GPC5: variants seen among roughly 807,000 people sequenced by gnomAD.
GPC5 encodes the protein glypican-5.
Under a neutral mutation model 53.9 loss-of-function variants are expected in GPC5, and 47 were observed. The observed-to-expected ratio is 0.87, with a 90% CI of 0.69 to 1.11. The LOEUF is 1.11. GPC5 is among the 50% of genes most tolerant of loss of function. The probability of loss-of-function intolerance (pLI) is 0.00; values close to 1 mark genes in which losing one functional copy is unlikely to be tolerated. For synonymous variants in GPC5, 286 were observed against 263.3 expected (o/e 1.09, Z -0.84); for missense variants, 748 against 713.1 (o/e 1.05, Z -0.56).
At chr13:92,226,538 A>G (rs989550526) in intron 7 of GPC5, among the ~76,000 whole-genome samples, 1 of 152,186 alleles carries the variant, frequency 6.6e-6, no homozygotes, top group African/African-American at 2.4e-5. Context: ...CAGTTGACCA[A>G]GAAGTAAAAT....
chr13:91,505,249 G>A (rs763139567), intron 2 of GPC5, among the ~76,000 whole-genome samples: 1 of 151,984 alleles, frequency 6.6e-6, no homozygotes, highest in Non-Finnish European at 1.5e-5. Context: ...CTTACACATA[G>A]TTAAAATAGT....
intron 6 of GPC5, among the ~76,000 whole-genome samples, chr13:92,113,369 T>C (rs1336065555): frequency 6.6e-6 from 1 of 152,190 alleles, no homozygotes. Flanking sequence ...GTATAACTGT[T>C]ACAACAAATT....
intron 5 of GPC5, among the ~76,000 whole-genome samples, chr13:91,883,811 G>T (rs1265672799): frequency 6.6e-6 from 1 of 152,088 alleles, no homozygotes; most frequent in East Asian, 1.9e-4. Flanking sequence ...TTTAAGTTCA[G>T]TGGTACGTGT....
intron 7 of GPC5, among the ~76,000 whole-genome samples, chr13:92,327,360 C>A (rs2043259047): frequency 6.6e-6 from 1 of 152,164 alleles, no homozygotes; most frequent in South Asian, 2.1e-4. Context: ...CTGTGTATTA[C>A]ACATGCTTGT....
chr13:91,623,412 G>A (rs1594345344), intron 2 of GPC5, among the ~76,000 whole-genome samples: 2 of 152,164 alleles, frequency 1.3e-5, no homozygotes, highest in South Asian at 4.2e-4. Context: ...CCACCCAGAA[G>A]GGGATGAGGG....
chr13:91,433,644 A>G (rs866003979), intron 1 of GPC5, among the ~76,000 whole-genome samples: 3 of 152,152 alleles, frequency 2.0e-5, no homozygotes, highest in Admixed American at 6.5e-5. Flanking sequence ...TATTGTGAAT[A>G]GTGCCACAAT....
At chr13:91,514,882 C>T (rs1885412027) in intron 2 of GPC5, among the ~76,000 whole-genome samples, 1 of 152,070 alleles carries the variant, frequency 6.6e-6, no homozygotes, top group South Asian at 2.1e-4. Context: ...ATGTATTTCA[C>T]TTTAAGGTCA....
chr13:91,728,526 T>C lies in GPC5; in HGVS notation c.1021-6T>C. On this transcript the variant is annotated splice_region_variant and splice_polypyrimidine_tract_variant and intron_variant, in intron 3 of 7. Coordinates refer to ENST00000377067, the MANE Select transcript of GPC5 (RefSeq NM_004466.6). ...TAACTACCTTTTAATGTTTTCTATT[T>C]AAAAGGTAAATAGGATTTGTGGCCG... is the stretch of plus-strand genomic sequence containing the variant. The C allele has an allele frequency of 2.5e-6, 4 of 1,605,518 alleles. No individual in the cohort carries two copies. Among genetic ancestry groups the C allele is most frequent in the Non-Finnish European group, 8.5e-7 (1 of 1,176,268 alleles).
At chr13:91,977,996 A>T (rs948872913) in intron 6 of GPC5, among the ~76,000 whole-genome samples, 2 of 151,852 alleles carry the variant, frequency 1.3e-5, no homozygotes, top group Non-Finnish European at 2.9e-5. Flanking sequence ...AAGAAAAAAA[A>T]AATTAAATTA....
intron 2 of GPC5, among the ~76,000 whole-genome samples, chr13:91,482,891 A>T (rs1360974104): frequency 2.0e-5 from 3 of 148,638 alleles, no homozygotes; most frequent in Non-Finnish European, 4.5e-5. Flanking sequence ...CATATCCATT[A>T]TTGGCAGCTC....
intron 5 of GPC5, among the ~76,000 whole-genome samples, chr13:91,866,124 T>C (rs1475420239): frequency 2.0e-5 from 3 of 152,170 alleles, no homozygotes; most frequent in Admixed American, 6.5e-5. Flanking sequence ...CACCTCAGCC[T>C]CCCAAAGTGC....
chr13:92,512,270 T>C (rs1880601415), intron 7 of GPC5, among the ~76,000 whole-genome samples: 2 of 152,006 alleles, frequency 1.3e-5, no homozygotes, highest in Non-Finnish European at 2.9e-5. Flanking sequence ...GCGCGTACGC[T>C]GTGTGCATGC....
intron 2 of GPC5, among the ~76,000 whole-genome samples, chr13:91,529,656 T>C (rs1319030381): frequency 6.6e-6 from 1 of 152,222 alleles, no homozygotes; most frequent in Non-Finnish European, 1.5e-5. Flanking sequence ...AGATAGATAA[T>C]ACACCTGAAA....
chr13:91,693,149 C>G lies in GPC5; in HGVS notation c.326-38C>G, dbSNP rs2035792392. 8 of 1,464,768 alleles carry G rather than the reference C, an allele frequency of 5.5e-6. No homozygotes were observed. The East Asian group carries it at 1.1e-4, about 21-fold the overall frequency. 90.7% of individuals were successfully genotyped at this position (1,464,768 alleles called of 1,614,324 possible). A position where few individuals can be genotyped will look rare whatever the true frequency, so the allele number is the denominator to read the frequency against. ...CAGATGGACGGTGTTAGCATGAATACTAAACCTTCTCATGTTTTACCTCTG... is the reference window on the plus strand; with the variant it reads ...CAGATGGACGGTGTTAGCATGAATAGTAAACCTTCTCATGTTTTACCTCTG... On this transcript the variant is annotated intron_variant, in intron 2 of 7. Coordinates refer to ENST00000377067, the MANE Select transcript of GPC5 (RefSeq NM_004466.6).
rs1462077513 is a variant in GPC5 at position 92,797,883 on chromosome 13, ATAG to A, written c.1562-68395_1562-68393del. ...TAGATAGATAGATGATAGATGATAG[ATAG>A]TAGAGATAATAGATATTTGATAGAT... On this transcript the variant is annotated intron_variant, in intron 7 of 7. Coordinates refer to ENST00000377067, the MANE Select transcript of GPC5 (RefSeq NM_004466.6). Among the ~76,000 whole-genome samples, 4 of 151,830 alleles carry A rather than the reference ATAG, an allele frequency of 2.6e-5. No homozygotes were observed. The East Asian group carries it at 7.8e-4, about 29-fold the overall frequency.
chr13:92,850,693 A>T (rs1314160309), intron 7 of GPC5, among the ~76,000 whole-genome samples: 1 of 152,196 alleles, frequency 6.6e-6, no homozygotes, highest in Non-Finnish European at 1.5e-5. Flanking sequence ...AGGATTAGTC[A>T]AAAGCTGTAA....
chr13:92,330,419 T>C (rs535285757), intron 7 of GPC5, among the ~76,000 whole-genome samples: 1 of 152,172 alleles, frequency 6.6e-6, no homozygotes. Context: ...TTTCTTTAAT[T>C]CATCCATCTA....
intron 7 of GPC5, among the ~76,000 whole-genome samples, chr13:92,632,485 T>TATATATATATATATATAC (rs138355646): frequency 5.0e-4 from 69 of 137,642 alleles, no homozygotes; most frequent in Admixed American, 7.4e-4. Context: ...TATATATATA[T>TATATATATATATATATAC]ACACATATAT....
At position 91,879,075 on chromosome 13, in the gene GPC5, T is replaced by C. The variant is rs536336853; in HGVS notation, c.1281-28862T>C. The stretch of plus-strand genomic sequence containing the variant: ...TATGGCACATATCACAGAGAACTTA[T>C]AACTGAAGTATTAGTTTTTGAAAAA... On this transcript the variant is annotated intron_variant, in intron 5 of 7. Coordinates refer to ENST00000377067, the MANE Select transcript of GPC5 (RefSeq NM_004466.6). 1.3e-3 allele frequency among the ~76,000 whole-genome samples: 191 copies of C among 152,244 alleles called. 3 individuals carry two copies. In the Middle Eastern group the frequency reaches 0.041, roughly 33 times the overall value.
Sources: gnomAD v4.1 joint callset for allele counts (sites outside exome capture counted in the v4.1 genomes callset) on GRCh38, gnomAD v4.1.1 for gene constraint, MANE v1.5 for transcripts, NCBI Gene and HGNC (gene_info 2026-07-23, HGNC 2026-07-21) for gene names.